Variants in CSMD1 observed in about 807,000 individuals in gnomAD.
CSMD1 encodes the protein CUB and Sushi multiple domains 1, also known as CUB and sushi domain-containing protein 1.
A neutral mutation model predicts 417.5 loss-of-function variants in CSMD1; 213 were observed. That is an observed-to-expected ratio of 0.51 (90% CI 0.46 to 0.57). The LOEUF (loss-of-function observed/expected upper bound fraction) is 0.57, where lower values mean the gene tolerates loss of function less well. CSMD1 is among the 20% of genes least tolerant of loss of function. The pLI, the probability that CSMD1 is intolerant of heterozygous loss-of-function variation, is 0.00. For missense variants in CSMD1, 6,923 were observed against 4,529.7 expected, an observed-to-expected ratio of 1.53 and a Z score of -15.17; for synonymous variants, 2,862 against 1,736.8, an observed-to-expected ratio of 1.65 and a Z score of -16.11.
At chr8:4,078,088 A>G (rs1461792002) in intron 3 of CSMD1, among the ~76,000 whole-genome samples, 2 of 152,180 alleles carry the variant, frequency 1.3e-5, no homozygotes, top group African/African-American at 4.8e-5. Context: ...CTACATGCCA[A>G]AGAGAGAAAT....
intron 3 of CSMD1, among the ~76,000 whole-genome samples, chr8:4,308,363 A>G (rs1481860062): frequency 1.3e-5 from 2 of 151,706 alleles, no homozygotes; most frequent in Admixed American, 6.6e-5. Context: ...CACTGTGTGT[A>G]GTGTGTGTTC....
At position 3,652,500 on chromosome 8, in the gene CSMD1, G is replaced by T. The variant is rs527493507; in HGVS notation, c.1010-35703C>A. ...ACCTGAGACTGGGTATTTTATAAAG[G>T]AAGCGGATTAATGGACTCACATTTC... On this transcript the variant is annotated intron_variant, in intron 7 of 69. Coordinates refer to ENST00000635120, the MANE Select transcript of CSMD1 (RefSeq NM_033225.6). Among the ~76,000 whole-genome samples the T allele has an allele frequency of 5.2e-4, 79 of 152,316 alleles. 1 individual carries two copies. Among genetic ancestry groups the T allele is most frequent in the Admixed American group, 2.8e-3 (43 of 15,296 alleles).
chr8:4,270,584 T>G (rs1008090671), intron 3 of CSMD1, among the ~76,000 whole-genome samples: 10 of 152,194 alleles, frequency 6.6e-5, no homozygotes, highest in African/African-American at 2.4e-4. Context: ...ACACATTTTA[T>G]AGCCCGACTT....
chr8:4,388,068 G>C (rs938640201), intron 3 of CSMD1, among the ~76,000 whole-genome samples: 1 of 152,018 alleles, frequency 6.6e-6, no homozygotes, highest in Non-Finnish European at 1.5e-5. Context: ...ACCTCATTTG[G>C]ACTAATGTCA....
intron 18 of CSMD1, among the ~76,000 whole-genome samples, chr8:3,381,848 C>T (rs1437296420): frequency 2.0e-5 from 3 of 152,144 alleles, no homozygotes; most frequent in Admixed American, 6.6e-5. Flanking sequence ...TTTAGAATGT[C>T]TATTTTCAGT....
chr8:4,983,147 G>A (rs2924723), intron 1 of CSMD1, among the ~76,000 whole-genome samples: 105,072 of 152,080 alleles, frequency 0.69, 37,273 homozygotes, highest in African/African-American at 0.82. Context: ...AAATAAGCAT[G>A]GCAAAATAAT....
intron 6 of CSMD1, among the ~76,000 whole-genome samples, chr8:3,737,348 G>A (rs528921726): frequency 6.6e-6 from 1 of 152,092 alleles, no homozygotes; most frequent in African/African-American, 2.4e-5. Context: ...TTCCTAATGT[G>A]ACCCCCCTTT....
At chr8:3,821,491 G>T (rs1307952793) in intron 5 of CSMD1, among the ~76,000 whole-genome samples, 1 of 145,010 alleles carries the variant, frequency 6.9e-6, no homozygotes, top group Non-Finnish European at 1.6e-5. Context: ...CTCCATTAAA[G>T]TCTACCAGGA....
At chr8:4,196,182 G>C (rs1459183884) in intron 3 of CSMD1, among the ~76,000 whole-genome samples, 1 of 152,136 alleles carries the variant, frequency 6.6e-6, no homozygotes, top group African/African-American at 2.4e-5. Flanking sequence ...CTGCACTCCA[G>C]CCTGGGCGAC....
In CSMD1 at chr8:3,156,116, G is replaced by A. The variant is rs1383756392; in HGVS notation, c.5914+1781C>T. ...CTAAACAGAATGTGAATAGCTCCCA[G>A]GACAATTTTAAGGCTATTCTGTGGC... On this transcript the variant is annotated intron_variant, in intron 39 of 69. Transcript: ENST00000635120. Among the ~76,000 whole-genome samples the A allele has an allele frequency of 3.2e-4, 48 of 152,184 alleles. 1 individual carries two copies. Among genetic ancestry groups the A allele is most frequent in the Non-Finnish European group, 5.9e-5 (4 of 68,034 alleles).
rs5889074 is a variant in CSMD1, at chr8:4,932,339, GAA to G, written c.85+61991_85+61992del. Among the ~76,000 whole-genome samples, 735 of 148,628 alleles carry G rather than the reference GAA, an allele frequency of 4.9e-3. 9 individuals carry two copies. The highest frequency in any genetic ancestry group is 0.017 in the African/African-American group (685 of 40,586). On this transcript the variant is annotated intron_variant, in intron 1 of 69. Coordinates refer to ENST00000635120, the MANE Select transcript of CSMD1 (RefSeq NM_033225.6). ...TAACTACACACTTGACATATTTCTA[GAA>G]AAAAAAAAACACTCAAAGTCTGATT...
chr8:4,784,353 G>T (rs994822587), intron 1 of CSMD1, among the ~76,000 whole-genome samples: 18 of 152,158 alleles, frequency 1.2e-4, no homozygotes, highest in Non-Finnish European at 1.9e-4. Context: ...AATTCCCCCT[G>T]CAGGGTCATT....
intron 3 of CSMD1, among the ~76,000 whole-genome samples, chr8:4,083,154 G>A (rs1179337063): frequency 6.6e-6 from 1 of 152,020 alleles, no homozygotes; most frequent in African/African-American, 2.4e-5. Flanking sequence ...TGGGTCAAAT[G>A]GTATTTCTGG....
At chr8:3,155,358 G>GTTTTTTTTTTTTTTTTTTTTT (rs763097673) in intron 39 of CSMD1, among the ~76,000 whole-genome samples, 12 of 48,102 alleles carry the variant, frequency 2.5e-4, no homozygotes, top group Admixed American at 3.5e-4. Flanking sequence ...TCAAGGCTGG[G>GTTTTTTTTTTTTTTTTTTTTT]ATTTTTTTTT....
chr8:3,618,824 G>C (rs760025959), intron 7 of CSMD1, among the ~76,000 whole-genome samples: 16 of 152,176 alleles, frequency 1.1e-4, no homozygotes, highest in Non-Finnish European at 2.2e-4. Context: ...GACTTGCGTG[G>C]CACAGTGCAG....
chr8:3,998,240 A>T, intron 4 of CSMD1, 130 bp from the exon 5 acceptor site: 1 of 604,032 alleles, frequency 1.7e-6, no homozygotes, highest in Non-Finnish European at 2.7e-6. Context: ...ACTCAATCTG[A>T]AAAAGAATCT....
chr8:4,362,076 T>G (rs1801799568), intron 3 of CSMD1, among the ~76,000 whole-genome samples: 1 of 152,148 alleles, frequency 6.6e-6, no homozygotes, highest in South Asian at 2.1e-4. Flanking sequence ...AAGGCTGAGA[T>G]AATTTAATTG....
chr8:4,211,814 A>C (rs1585031590), intron 3 of CSMD1, among the ~76,000 whole-genome samples: 2 of 152,202 alleles, frequency 1.3e-5, no homozygotes, highest in African/African-American at 4.8e-5. Context: ...ACTTTAGATG[A>C]TAATTTTTCA....
At chr8:3,459,299 G>C (rs998711532) in intron 12 of CSMD1, among the ~76,000 whole-genome samples, 2 of 152,160 alleles carry the variant, frequency 1.3e-5, no homozygotes, top group Non-Finnish European at 2.9e-5. Context: ...AGACAGGCCG[G>C]TGTGTCCCTC....
Sources: gnomAD v4.1 joint callset for allele counts (sites outside exome capture counted in the v4.1 genomes callset) on GRCh38, gnomAD v4.1.1 for gene constraint, MANE v1.5 for transcripts, NCBI Gene and HGNC (gene_info 2026-07-23, HGNC 2026-07-21) for gene names.